Variants in AKT3 observed in about 807,000 individuals in gnomAD.
AKT3 encodes the protein RAC-gamma serine/threonine-protein kinase.
In AKT3, 15 loss-of-function variants were observed where a neutral mutation model predicts 65.3. The ratio of observed to expected loss-of-function variants is 0.23; its 90% CI spans 0.15 to 0.35. The LOEUF (loss-of-function observed/expected upper bound fraction) is 0.35, where lower values mean the gene tolerates loss of function less well. Among genes scored for constraint, AKT3 ranks in the 10% least tolerant of loss-of-function variants. The pLI, the probability that AKT3 is intolerant of heterozygous loss-of-function variation, is 1.00. For synonymous variants in AKT3, 206 were observed against 183.8 expected (o/e 1.12, Z -0.98); for missense variants, 243 against 576.5 (o/e 0.42, Z 5.92).
Position 243,578,283 on chromosome 1 carries a change from C to A in AKT3, c.697-5235G>T, listed in dbSNP as rs533946120. Among the ~76,000 whole-genome samples, 25 of 152,214 alleles carry A rather than the reference C, an allele frequency of 1.6e-4. No individual in the cohort carries two copies. In the South Asian group the frequency reaches 5.0e-3, roughly 30 times the overall value. On this transcript the variant is annotated intron_variant, in intron 8 of 13. Transcript: ENST00000673466. Reference sequence around the variant, plus strand: ...ACAATAGCAAAGTCATGGAATCAACCCAAGTGCCCATCAATGATAGATGGA... The same window carrying A: ...ACAATAGCAAAGTCATGGAATCAACACAAGTGCCCATCAATGATAGATGGA...
intron 2 of AKT3, among the ~76,000 whole-genome samples, chr1:243,771,848 C>T (rs1002853894): frequency 6.6e-6 from 1 of 152,052 alleles, no homozygotes; most frequent in East Asian, 1.9e-4. Context: ...GAGATACAGA[C>T]CAATGGAACA....
intron 4 of AKT3, among the ~76,000 whole-genome samples, chr1:243,646,445 C>T (rs944423198): frequency 3.9e-5 from 6 of 151,934 alleles, no homozygotes; most frequent in Non-Finnish European, 5.9e-5. Flanking sequence ...ACCTCCACCT[C>T]GTGGGTTCAA....
At chr1:243,577,812 A>C (rs1675051538) in intron 8 of AKT3, among the ~76,000 whole-genome samples, 1 of 151,752 alleles carries the variant, frequency 6.6e-6, no homozygotes, top group South Asian at 2.1e-4. Context: ...TAATATCCAG[A>C]GTCTACAAGG....
At chr1:243,716,660 T>C (rs541576416) in intron 2 of AKT3, among the ~76,000 whole-genome samples, 5 of 152,270 alleles carry the variant, frequency 3.3e-5, no homozygotes, top group East Asian at 3.9e-4. Context: ...ATACCTAACA[T>C]AGAATTTTAA....
chr1:243,698,881 C>T (rs887425136), intron 2 of AKT3, among the ~76,000 whole-genome samples: 2 of 148,518 alleles, frequency 1.3e-5, no homozygotes, highest in Admixed American at 6.7e-5. Context: ...GCTTAGAATG[C>T]ATTCATTATT....
intron 3 of AKT3, among the ~76,000 whole-genome samples, chr1:243,665,840 T>C (rs1682729745): frequency 6.6e-6 from 1 of 152,198 alleles, no homozygotes; most frequent in Admixed American, 6.5e-5. Context: ...AGGGTAGGGT[T>C]GTCTGCTGAC....
At chr1:243,627,196 TAAAAGAG>T (rs1679233957) in intron 6 of AKT3, among the ~76,000 whole-genome samples, 1 of 152,040 alleles carries the variant, frequency 6.6e-6, no homozygotes, top group South Asian at 2.1e-4. Context: ...TAAAACAATC[TAAAAGAG>T]ACATACTCAG....
At chr1:243,833,275 C>T (rs2148454260) in intron 2 of AKT3, among the ~76,000 whole-genome samples, 1 of 152,048 alleles carries the variant, frequency 6.6e-6, no homozygotes, top group South Asian at 2.1e-4. Context: ...ACAAAAAAAA[C>T]CTGCCAGAGA....
intron 12 of AKT3, among the ~76,000 whole-genome samples, chr1:243,533,786 C>G (rs1370145408): frequency 1.3e-5 from 2 of 151,846 alleles, no homozygotes; most frequent in African/African-American, 4.8e-5. Flanking sequence ...GTCAGGAGAT[C>G]GAGACCATCC....
chr1:243,738,965 C>T (rs1687991675), intron 2 of AKT3, among the ~76,000 whole-genome samples: 1 of 152,138 alleles, frequency 6.6e-6, no homozygotes, highest in African/African-American at 2.4e-5. Flanking sequence ...GCTCCCTTTT[C>T]CTTCTTTATA....
At chr1:243,850,378 A>G (rs1331203201), upstream of AKT3, among the ~76,000 whole-genome samples, 2 of 150,618 alleles carry the variant, frequency 1.3e-5, no homozygotes, top group Non-Finnish European at 3.0e-5. Context: ...GAGACTCTAC[A>G]TGGGAATCGG....
chr1:243,670,417 G>A (rs1189107113), intron 3 of AKT3, among the ~76,000 whole-genome samples: 3 of 152,172 alleles, frequency 2.0e-5, no homozygotes, highest in Admixed American at 2.0e-4. Flanking sequence ...TTGAGTTCTT[G>A]CATGTTCGCA....
chr1:243,558,627 A>T (rs1673567528), intron 10 of AKT3, among the ~76,000 whole-genome samples: 1 of 152,108 alleles, frequency 6.6e-6, no homozygotes, highest in Non-Finnish European at 1.5e-5. Context: ...CCAACAATCA[A>T]GTCATTTTTT....
chr1:243,556,793 AG>A (rs1673436049), intron 10 of AKT3, among the ~76,000 whole-genome samples: 1 of 152,112 alleles, frequency 6.6e-6, no homozygotes, highest in African/African-American at 2.4e-5. Context: ...TTAACATCAC[AG>A]GTATGGGCTA....
chr1:243,551,882 A>C (rs1673091278), intron 11 of AKT3, among the ~76,000 whole-genome samples: 1 of 152,228 alleles, frequency 6.6e-6, no homozygotes, highest in African/African-American at 2.4e-5. Flanking sequence ...AGAGCCATAG[A>C]GTTCTTCAAT....
intron 4 of AKT3, among the ~76,000 whole-genome samples, chr1:243,657,974 A>G (rs1315841215): frequency 6.6e-6 from 1 of 152,034 alleles, no homozygotes; most frequent in Non-Finnish European, 1.5e-5. Flanking sequence ...CACAAAACCA[A>G]CTCAAAATGG....
intron 8 of AKT3, among the ~76,000 whole-genome samples, chr1:243,594,955 T>A (rs1676494746): frequency 6.6e-6 from 1 of 152,134 alleles, no homozygotes; most frequent in Non-Finnish European, 1.5e-5. Flanking sequence ...CCTCAACTCT[T>A]AGCTCACAGC....
chr1:243,834,269 T>A (rs1287484500), intron 2 of AKT3, among the ~76,000 whole-genome samples: 1 of 151,986 alleles, frequency 6.6e-6, no homozygotes, highest in African/African-American at 2.4e-5. Flanking sequence ...ACCTAAATGC[T>A]CATCAACAGC....
intron 3 of AKT3, among the ~76,000 whole-genome samples, chr1:243,678,235 T>A (rs1192795972): frequency 6.6e-6 from 1 of 152,132 alleles, no homozygotes; most frequent in Non-Finnish European, 1.5e-5. Context: ...TAACTCCAAA[T>A]AAGTTAGCCT....
Sources: allele counts gnomAD v4.1 joint callset (sites outside exome capture counted in the v4.1 genomes callset), GRCh38; gene constraint gnomAD v4.1.1; transcripts MANE v1.5; gene names NCBI Gene and HGNC (gene_info 2026-07-23, HGNC 2026-07-21).